IFT88: variants seen among roughly 807,000 people sequenced by gnomAD.
The protein encoded by IFT88 is intraflagellar transport 88.
A neutral mutation model predicts 119.5 loss-of-function variants in IFT88; 74 were observed. The observed-to-expected ratio is 0.62, with a 90% CI of 0.51 to 0.75. The LOEUF (loss-of-function observed/expected upper bound fraction) is 0.75. Among genes scored for constraint, IFT88 ranks in the 30% least tolerant of loss-of-function variants. IFT88 has a pLI of 0.00. For missense variants in IFT88, 961 were observed against 977.7 expected (o/e 0.98, Z 0.23); for synonymous variants, 279 against 316.7 (o/e 0.88, Z 1.26).
intron 2 of IFT88, among the ~76,000 whole-genome samples, chr13:20,576,935 A>C (rs1455673716): frequency 6.6e-6 from 1 of 152,182 alleles, no homozygotes; most frequent in African/African-American, 2.4e-5. Flanking sequence ...GTTGCACCGA[A>C]TCTGTAGATT....
chr13:20,678,463 A>T (rs769629708), intron 24 of IFT88, among the ~76,000 whole-genome samples: 1 of 152,240 alleles, frequency 6.6e-6, no homozygotes, highest in Non-Finnish European at 1.5e-5. Flanking sequence ...TCCTTATAGG[A>T]AACAAAGCAT....
intron 7 of IFT88, among the ~76,000 whole-genome samples, chr13:20,593,568 A>G (rs925414395): frequency 6.6e-6 from 1 of 151,614 alleles, no homozygotes; most frequent in Non-Finnish European, 1.5e-5. Context: ...TCTTAAACCC[A>G]GTATTTAGGC....
intron 23 of IFT88, among the ~76,000 whole-genome samples, chr13:20,668,834 A>G (rs2055243167): frequency 6.6e-6 from 1 of 152,248 alleles, no homozygotes; most frequent in South Asian, 2.1e-4. Flanking sequence ...GGCATATCCA[A>G]GGAGATGCTG....
At chr13:20,611,514 C>CA (rs56062553) in intron 13 of IFT88, among the ~76,000 whole-genome samples, 631 of 59,068 alleles carry the variant, frequency 0.011, 30 homozygotes, top group Non-Finnish European at 0.012. Flanking sequence ...GACCCAGTCT[C>CA]AAAAAAAAAA....
chr13:20,649,262 G>A (rs1018713581), intron 20 of IFT88, among the ~76,000 whole-genome samples: 1 of 152,130 alleles, frequency 6.6e-6, no homozygotes, highest in African/African-American at 2.4e-5. Flanking sequence ...CATAGGTTAG[G>A]CCACAACTTA....
intron 16 of IFT88, among the ~76,000 whole-genome samples, chr13:20,633,109 A>G (rs975141267): frequency 7.9e-5 from 12 of 152,194 alleles, no homozygotes; most frequent in African/African-American, 1.7e-4. Flanking sequence ...CTTTTTAAAT[A>G]TATTTAAACA....
At chr13:20,588,809 G>A (rs567947548) in intron 3 of IFT88, among the ~76,000 whole-genome samples, 3 of 152,158 alleles carry the variant, frequency 2.0e-5, no homozygotes, top group Non-Finnish European at 4.4e-5. Flanking sequence ...ATCCAGTCGG[G>A]TTTGAGATGA....
At position 20,615,768 on chromosome 13, in the gene IFT88, C is replaced by G. The variant is rs539216209; in HGVS notation, c.1113-25C>G. ...CTATTTTATACTGTATCTCTAAATA[C>G]AACTTTTTGGTTTATTTGATATAGG... is the stretch of plus-strand genomic sequence containing the variant. On this transcript the variant is annotated intron_variant, in intron 13 of 25. Transcript: ENST00000351808. The G allele has an allele frequency of 3.2e-5, 45 of 1,395,054 alleles. No homozygotes were observed. In the Middle Eastern group the frequency reaches 7.3e-4, roughly 23 times the overall value. 86.4% of individuals were successfully genotyped at this position (1,395,054 alleles called of 1,614,324 possible).
Position 20,639,946 on chromosome 13 carries a change from G to A in IFT88, c.1574-1344G>A, listed in dbSNP as rs186308881. 2.7e-3 allele frequency among the ~76,000 whole-genome samples: 406 copies of A among 151,434 alleles called. 2 individuals carry two copies. Among genetic ancestry groups the A allele is most frequent in the African/African-American group, 7.0e-3 (289 of 41,308 alleles). On this transcript the variant is annotated intron_variant, in intron 17 of 25. Transcript: ENST00000351808. ...TGGAACCACAGGTGCGCTCCACTAC[G>A]CCCGTCTAATTTTTTGCATTTTTAG...
At chr13:20,616,303 C>G (rs141202281) in intron 14 of IFT88, among the ~76,000 whole-genome samples, 1 of 152,328 alleles carries the variant, frequency 6.6e-6, no homozygotes, top group East Asian at 1.9e-4. Context: ...CCTTCACATT[C>G]ACTCAGAGTT....
At chr13:20,655,543 C>A (rs2052625534) in intron 21 of IFT88, among the ~76,000 whole-genome samples, 1 of 152,040 alleles carries the variant, frequency 6.6e-6, no homozygotes, top group Admixed American at 6.6e-5. Context: ...CCCAGGCTGG[C>A]CTGCAGTGGC....
At chr13:20,680,037 C>T (rs1052177612) in intron 24 of IFT88, among the ~76,000 whole-genome samples, 25 of 152,282 alleles carry the variant, frequency 1.6e-4, no homozygotes, top group African/African-American at 5.5e-4. Context: ...TTACACAACA[C>T]CTCTGCCTGC....
At chr13:20,641,693 A>G (rs747512243) in intron 18 of IFT88, 15 of 217,422 alleles carry the variant, frequency 6.9e-5, no homozygotes, top group East Asian at 1.0e-4. Context: ...TTGAAAGTCA[A>G]TTTGGTGCTT....
Position 20,621,526 on chromosome 13 carries a change from T to TTAAA in IFT88, c.1200-4224_1200-4223insTAAA, listed in dbSNP as rs1476682272. ...TCAATTTTCCCAAAACCTGCTGAGATAAAAAAAAAAAAAAAAAAAAAAAAA... is the reference window on the plus strand; with the variant it reads ...TCAATTTTCCCAAAACCTGCTGAGATTAAAAAAAAAAAAAAAAAAAAAAAAAAAA... On this transcript the variant is annotated intron_variant, in intron 14 of 25. Transcript: ENST00000351808. Among the ~76,000 whole-genome samples, 43 of 130,746 alleles carry TTAAA rather than the reference T, an allele frequency of 3.3e-4. 3 individuals are homozygous for TTAAA. The highest frequency in any genetic ancestry group is 7.0e-4 in the African/African-American group (22 of 31,540). The allele number at this position is 130,746 out of a possible 152,430, so 85.8% of individuals were successfully genotyped here.
rs2038137222 is a variant in IFT88 at position 20,579,580 on chromosome 13, A to G, written c.91-3377A>G. ...CCTCTGGCTCAGGGTAGGTCCAGAAATGCTACCCAAGAGCCAAGGCCTGGA... is the reference window on the plus strand; with the variant it reads ...CCTCTGGCTCAGGGTAGGTCCAGAAGTGCTACCCAAGAGCCAAGGCCTGGA... On this transcript the variant is annotated intron_variant, in intron 2 of 25. Transcript: ENST00000351808. 2.0e-5 allele frequency among the ~76,000 whole-genome samples: 3 copies of G among 152,328 alleles called. No homozygotes were observed. The South Asian group carries it at 6.2e-4, about 32-fold the overall frequency.
chr13:20,631,709 A>G (rs1389851430), intron 16 of IFT88: 4 of 152,478 alleles, frequency 2.6e-5, no homozygotes, highest in Non-Finnish European at 5.9e-5. Flanking sequence ...CTTTCAGGTC[A>G]GAATATAGAA....
chr13:20,610,104 G>T (rs376605977), intron 13 of IFT88, among the ~76,000 whole-genome samples: 86 of 146,890 alleles, frequency 5.9e-4, no homozygotes, highest in African/African-American at 1.9e-3. Context: ...CTTGACTGCT[G>T]TTTTTTTTTT....
chr13:20,588,853 G>A (rs977464992), intron 3 of IFT88, among the ~76,000 whole-genome samples: 2 of 152,170 alleles, frequency 1.3e-5, no homozygotes, highest in Admixed American at 1.3e-4. Context: ...ATGAGGGCTA[G>A]TATACTATTA....
At chr13:20,647,069 A>G (rs952997945) in intron 20 of IFT88, among the ~76,000 whole-genome samples, 5 of 152,066 alleles carry the variant, frequency 3.3e-5, no homozygotes, top group African/African-American at 1.2e-4. Flanking sequence ...TGTTTCTCTG[A>G]TCTCTTCAAT....
Sources: allele counts gnomAD v4.1 joint callset (sites outside exome capture counted in the v4.1 genomes callset), GRCh38; gene constraint gnomAD v4.1.1; transcripts MANE v1.5; gene names NCBI Gene and HGNC (gene_info 2026-07-23, HGNC 2026-07-21).